Variants in MACROD2 observed in about 807,000 individuals in gnomAD.
MACROD2 encodes the protein ADP-ribose glycohydrolase MACROD2.
Under a neutral mutation model 70.4 loss-of-function variants are expected in MACROD2, and 36 were observed. The observed-to-expected ratio is 0.51, with a 90% CI of 0.39 to 0.68. MACROD2 has a LOEUF of 0.68. Ranked by LOEUF, MACROD2 falls within the 30% of genes least tolerant of loss-of-function variation. MACROD2 has a pLI of 0.00. For synonymous variants in MACROD2, 172 were observed against 178.8 expected, an observed-to-expected ratio of 0.96 and a Z score of 0.30; for missense variants, 496 against 538.4, an observed-to-expected ratio of 0.92 and a Z score of 0.78.
intron 3 of MACROD2, among the ~76,000 whole-genome samples, chr20:14,258,202 G>A (rs1347576136): frequency 6.6e-6 from 1 of 152,140 alleles, no homozygotes; most frequent in African/African-American, 2.4e-5. Flanking sequence ...ACATGCATGT[G>A]CAAGTGTCTT....
At chr20:14,462,025 G>T (rs566610132) in intron 3 of MACROD2, among the ~76,000 whole-genome samples, 1 of 151,940 alleles carries the variant, frequency 6.6e-6, no homozygotes, top group African/African-American at 2.4e-5. Flanking sequence ...TATATACCCA[G>T]TAATGAGCAT....
intron 6 of MACROD2, among the ~76,000 whole-genome samples, chr20:15,364,431 G>A (rs1172620829): frequency 6.6e-6 from 1 of 152,196 alleles, no homozygotes; most frequent in Non-Finnish European, 1.5e-5. Context: ...ACCCAGGTAT[G>A]CCCCTCTGTC....
chr20:14,267,152 T>C (rs1280911920), intron 3 of MACROD2, among the ~76,000 whole-genome samples: 1 of 152,158 alleles, frequency 6.6e-6, no homozygotes, highest in African/African-American at 2.4e-5. Flanking sequence ...TGGCCCTATA[T>C]GTAAGGAAAC....
At chr20:14,465,100 C>G (rs2084426922) in intron 3 of MACROD2, among the ~76,000 whole-genome samples, 1 of 152,034 alleles carries the variant, frequency 6.6e-6, no homozygotes, top group African/African-American at 2.4e-5. Flanking sequence ...TGTTAACTTT[C>G]TGTCTCATTG....
intron 5 of MACROD2, among the ~76,000 whole-genome samples, chr20:14,875,978 A>C (rs541396933): frequency 3.3e-5 from 5 of 152,224 alleles, no homozygotes; most frequent in Admixed American, 2.6e-4. Context: ...CTCTGGTTAT[A>C]TATCCAGTAT....
intron 5 of MACROD2, among the ~76,000 whole-genome samples, chr20:14,740,060 G>A (rs2071714990): frequency 1.3e-5 from 2 of 152,018 alleles, no homozygotes; most frequent in East Asian, 1.9e-4. Context: ...TCTCAGGGTA[G>A]GGGGATGATG....
chr20:15,405,426 G>A (rs1480436312), intron 6 of MACROD2, among the ~76,000 whole-genome samples: 2 of 152,150 alleles, frequency 1.3e-5, no homozygotes, highest in East Asian at 3.9e-4. Flanking sequence ...GACTTCCAAT[G>A]GGCCCAGCAC....
At chr20:15,047,035 G>T (rs1410307279) in intron 5 of MACROD2, among the ~76,000 whole-genome samples, 1 of 152,046 alleles carries the variant, frequency 6.6e-6, no homozygotes, top group African/African-American at 2.4e-5. Flanking sequence ...GTTGCCCTTG[G>T]CTGAAAAGCA....
chr20:15,945,140 A>G (rs182372903), intron 12 of MACROD2, among the ~76,000 whole-genome samples: 1 of 152,344 alleles, frequency 6.6e-6, no homozygotes, highest in African/African-American at 2.4e-5. Flanking sequence ...CCTAAAAAAT[A>G]TTTAGCATTA....
intron 6 of MACROD2, among the ~76,000 whole-genome samples, chr20:15,427,932 T>G (rs915946853): frequency 6.6e-6 from 1 of 152,198 alleles, no homozygotes; most frequent in African/African-American, 2.4e-5. Context: ...GAGATGCTAC[T>G]GATATCTAGC....
At chr20:15,072,348 C>A (rs1240426807) in intron 5 of MACROD2, among the ~76,000 whole-genome samples, 1 of 152,032 alleles carries the variant, frequency 6.6e-6, no homozygotes, top group Non-Finnish European at 1.5e-5. Flanking sequence ...TATGGTTAAT[C>A]CATTTAAAGA....
At chr20:15,289,537 G>C (rs420402) in intron 6 of MACROD2, among the ~76,000 whole-genome samples, 136,387 of 152,238 alleles carry the variant, frequency 0.9, 61,649 homozygotes, top group Non-Finnish European at 0.94. Flanking sequence ...AGAGTGGTTC[G>C]CACTTCAGGA....
At chr20:15,618,886 G>C (rs200752) in intron 8 of MACROD2, among the ~76,000 whole-genome samples, 2 of 152,146 alleles carry the variant, frequency 1.3e-5, no homozygotes, top group Non-Finnish European at 2.9e-5. Context: ...AATCAGTTTT[G>C]CCCAAGCATT....
chr20:14,864,988 T>C (rs1421566645), intron 5 of MACROD2, among the ~76,000 whole-genome samples: 2 of 152,050 alleles, frequency 1.3e-5, no homozygotes, highest in Non-Finnish European at 2.9e-5. Flanking sequence ...CTTGACAAAT[T>C]GCTCATATAT....
chr20:15,478,091 G>A (rs542762676), intron 7 of MACROD2, among the ~76,000 whole-genome samples: 2 of 152,282 alleles, frequency 1.3e-5, no homozygotes, highest in South Asian at 4.1e-4. Flanking sequence ...CAGAATATTG[G>A]CCTGCAGAAC....
At chr20:15,644,515 A>G (rs558889113) in intron 8 of MACROD2, among the ~76,000 whole-genome samples, 174 of 152,280 alleles carry the variant, frequency 1.1e-3, no homozygotes, top group African/African-American at 4.1e-3. Context: ...TCTTAACAGT[A>G]CTAATGACAA....
Position 15,019,429 on chromosome 20 carries a change from T to A in MACROD2, c.419-210511T>A, listed in dbSNP as rs138404324. Among the ~76,000 whole-genome samples the A allele has an allele frequency of 1.5e-3, 221 of 152,252 alleles. 2 individuals carry two copies. The highest frequency in any genetic ancestry group is 5.1e-3 in the African/African-American group (210 of 41,540). ...GGCAGGTTTGTCTAACTACAAAGCC[T>A]TTTTCCACTACACCCCTGCTGACCC... is the stretch of plus-strand genomic sequence containing the variant. On this transcript the variant is annotated intron_variant, in intron 5 of 17. Transcript: ENST00000684519.
intron 6 of MACROD2, among the ~76,000 whole-genome samples, chr20:15,406,993 C>T (rs1019200717): frequency 3.9e-5 from 6 of 152,190 alleles, no homozygotes; most frequent in South Asian, 4.1e-4. Context: ...TCTGAGCCTA[C>T]GCAGTGATCA....
At chr20:14,871,350 G>T (rs572803526) in intron 5 of MACROD2, among the ~76,000 whole-genome samples, 168 of 152,256 alleles carry the variant, frequency 1.1e-3, no homozygotes, top group Admixed American at 2.5e-3. Flanking sequence ...AGCCAGAAGA[G>T]ATTGAGGGCC....
Sources: allele counts gnomAD v4.1 joint callset (sites outside exome capture counted in the v4.1 genomes callset), GRCh38; gene constraint gnomAD v4.1.1; transcripts MANE v1.5; gene names NCBI Gene and HGNC (gene_info 2026-07-23, HGNC 2026-07-21).